ANK3: variants seen among roughly 807,000 people sequenced by gnomAD.
The protein encoded by ANK3 is ankyrin-3.
Under a neutral mutation model 370.9 loss-of-function variants are expected in ANK3, and 57 were observed. That is an observed-to-expected ratio of 0.15 (90% CI 0.12 to 0.19). ANK3 has a LOEUF of 0.19. Among genes scored for constraint, ANK3 ranks in the 10% least tolerant of loss-of-function variants. ANK3 has a pLI of 1.00. For missense variants in ANK3, 4,439 were observed against 5,302.1 expected, an observed-to-expected ratio of 0.84 and a Z score of 5.06; for synonymous variants, 1,929 against 1,946.3, an observed-to-expected ratio of 0.99 and a Z score of 0.23.
chr10:60,690,780 C>T (rs988102714), intron 1 of ANK3, among the ~76,000 whole-genome samples: 3 of 152,168 alleles, frequency 2.0e-5, no homozygotes, highest in East Asian at 1.9e-4. Context: ...CCAAGAGCTA[C>T]GCACTCAGAA....
intron 2 of ANK3, 113 bp from the exon 3 acceptor site, chr10:60,279,261 T>C: frequency 1.1e-6 from 1 of 911,560 alleles, no homozygotes; most frequent in African/African-American, 1.6e-5. Flanking sequence ...CACTTGCATG[T>C]ATGCTGTGCA....
chr10:60,165,051 G>T (rs1162753221), intron 23 of ANK3, among the ~76,000 whole-genome samples: 1 of 152,066 alleles, frequency 6.6e-6, no homozygotes, highest in Non-Finnish European at 1.5e-5. Context: ...GAAATTATTT[G>T]GTTATCCATA....
intron 8 of ANK3, among the ~76,000 whole-genome samples, chr10:60,222,594 A>G (rs2097079760): frequency 6.6e-6 from 1 of 152,174 alleles, no homozygotes; most frequent in Non-Finnish European, 1.5e-5. Flanking sequence ...GTTCAAAATG[A>G]TCTTCACTAA....
In ANK3 at chr10:60,403,848, C is replaced by T. The variant is rs568209635; in HGVS notation, c.97-124209G>A. ...TGACATGATGGTTAACACAGAAAAT[C>T]CTAAAGAATTTATGAAACAACTCCT... On this transcript the variant is annotated intron_variant, in intron 2 of 43. Coordinates refer to the ANK3 transcript ENST00000373827. Among the ~76,000 whole-genome samples, 7 of 152,160 alleles carry T rather than the reference C, an allele frequency of 4.6e-5. No individual in the cohort carries two copies. The South Asian group carries it at 1.5e-3, about 32-fold the overall frequency.
intron 2 of ANK3, among the ~76,000 whole-genome samples, chr10:60,580,629 C>A (rs2077737961): frequency 6.6e-6 from 1 of 152,070 alleles, no homozygotes; most frequent in Middle Eastern, 3.2e-3. Context: ...AATAATTAAC[C>A]TCAGTATACA....
chr10:60,103,240 C>T (rs2091618381), intron 28 of ANK3, among the ~76,000 whole-genome samples: 1 of 152,130 alleles, frequency 6.6e-6, no homozygotes, highest in South Asian at 2.1e-4. Flanking sequence ...GTGAACCACA[C>T]TGCACCCGGC....
intron 2 of ANK3, among the ~76,000 whole-genome samples, chr10:60,598,104 C>T (rs969512898): frequency 6.6e-6 from 1 of 152,108 alleles, no homozygotes; most frequent in African/African-American, 2.4e-5. Flanking sequence ...CAACTTACAG[C>T]ATCTTATTCT....
intron 25 of ANK3, among the ~76,000 whole-genome samples, chr10:60,119,414 C>A (rs2093327302): frequency 6.6e-6 from 1 of 152,212 alleles, no homozygotes; most frequent in Non-Finnish European, 1.5e-5. Context: ...CATAGCACCA[C>A]AGTACTAACA....
chr10:60,543,311 T>G (rs543252792), intron 2 of ANK3, among the ~76,000 whole-genome samples: 1 of 152,174 alleles, frequency 6.6e-6, no homozygotes, highest in East Asian at 1.9e-4. Context: ...TTTCTAGGAA[T>G]GTATACCACA....
At chr10:60,572,429 A>C (rs1261363672) in intron 2 of ANK3, 1 of 1,529,240 alleles carries the variant, frequency 6.5e-7, no homozygotes, top group Non-Finnish European at 8.8e-7. Flanking sequence ...GAGCCAGAGA[A>C]CAATGAAGAG....
chr10:60,658,178 C>T (rs1319510275), intron 1 of ANK3, among the ~76,000 whole-genome samples: 1 of 151,592 alleles, frequency 6.6e-6, no homozygotes, highest in African/African-American at 2.4e-5. Context: ...GGAGTGTTAA[C>T]ATTTAATATA....
intron 42 of ANK3, among the ~76,000 whole-genome samples, chr10:60,050,349 C>T (rs1021541994): frequency 2.0e-5 from 3 of 152,108 alleles, no homozygotes; most frequent in Admixed American, 2.0e-4. Flanking sequence ...TTATTTTCTT[C>T]CCTAATGTTT....
At chr10:60,706,070 C>A (rs149266970) in intron 1 of ANK3, among the ~76,000 whole-genome samples, 1 of 152,040 alleles carries the variant, frequency 6.6e-6, no homozygotes. Flanking sequence ...GCAATCAGCT[C>A]GCCTTGGTGT....
intron 7 of ANK3, among the ~76,000 whole-genome samples, chr10:60,258,258 C>T (rs367836747): frequency 9.9e-5 from 15 of 152,226 alleles, no homozygotes; most frequent in East Asian, 7.7e-4. Context: ...AGAATGCTGA[C>T]GCTGCATTGC....
At chr10:60,479,787 T>A (rs2075164602) in intron 2 of ANK3, among the ~76,000 whole-genome samples, 1 of 151,982 alleles carries the variant, frequency 6.6e-6, no homozygotes, top group East Asian at 1.9e-4. Flanking sequence ...AACACAATCA[T>A]CTCCATGAAG....
chr10:60,362,822 C>A (rs1470523425), intron 1 of ANK3, among the ~76,000 whole-genome samples: 1 of 152,068 alleles, frequency 6.6e-6, no homozygotes, highest in East Asian at 1.9e-4. Flanking sequence ...AGAGCACACT[C>A]AGTCTAGTTG....
Position 60,229,744 on chromosome 10 carries a change from G to T in ANK3, c.897+4944C>A, listed in dbSNP as rs527704774. Reference sequence around the variant, plus strand: ...ACCAGTATAAAGTCAAGTAAATTAAGATGTTTTGACAAATGTAATATTAAG... The same window carrying T: ...ACCAGTATAAAGTCAAGTAAATTAATATGTTTTGACAAATGTAATATTAAG... On this transcript the variant is annotated intron_variant, in intron 8 of 43. Transcript: ENST00000280772. Among the ~76,000 whole-genome samples the T allele has an allele frequency of 2.0e-5, 3 of 152,254 alleles. No homozygotes were observed. The South Asian group carries it at 6.2e-4, about 32-fold the overall frequency.
chr10:60,110,551 G>A (rs2092630161), intron 26 of ANK3, among the ~76,000 whole-genome samples: 1 of 152,062 alleles, frequency 6.6e-6, no homozygotes, highest in Non-Finnish European at 1.5e-5. Flanking sequence ...CTCCTCCCTA[G>A]TCAAAGAAAA....
intron 1 of ANK3, among the ~76,000 whole-genome samples, chr10:60,691,439 T>G (rs530162749): frequency 6.6e-6 from 1 of 152,276 alleles, no homozygotes; most frequent in East Asian, 1.9e-4. Context: ...CGAGGGTTAT[T>G]ATGAGGATTA....
Sources: gnomAD v4.1 joint callset for allele counts (sites outside exome capture counted in the v4.1 genomes callset) on GRCh38, gnomAD v4.1.1 for gene constraint, MANE v1.5 for transcripts, NCBI Gene and HGNC (gene_info 2026-07-23, HGNC 2026-07-21) for gene names.